The following VMP1 variants were observed in gnomAD, a reference collection of about 807,000 sequenced individuals.
VMP1 encodes the protein ectopic P-granules autophagy protein 3 homolog.
In VMP1, 11 loss-of-function variants were observed where a neutral mutation model predicts 56.0. That is an observed-to-expected ratio of 0.20 (90% CI 0.12 to 0.32). The LOEUF is 0.32. Ranked by LOEUF, VMP1 falls within the 10% of genes least tolerant of loss-of-function variation. VMP1 has a pLI of 1.00. For missense variants in VMP1, 296 were observed against 490.3 expected (o/e 0.60, Z 3.74); for synonymous variants, 149 against 165.0 (o/e 0.90, Z 0.74).
intron 1 of VMP1, among the ~76,000 whole-genome samples, chr17:59,723,788 T>C (rs1322387812): frequency 6.6e-6 from 1 of 152,226 alleles, no homozygotes; most frequent in Non-Finnish European, 1.5e-5. Context: ...ATTGACATAA[T>C]GGCCTTTGGT....
At chr17:59,798,359 C>T (rs555836285) in intron 7 of VMP1, among the ~76,000 whole-genome samples, 5 of 152,228 alleles carry the variant, frequency 3.3e-5, no homozygotes, top group Admixed American at 6.5e-5. Flanking sequence ...TCAGTTCTCA[C>T]GTAACTTTTG....
intron 1 of VMP1, among the ~76,000 whole-genome samples, chr17:59,709,380 A>G (rs1403909636): frequency 6.6e-6 from 1 of 152,206 alleles, no homozygotes; most frequent in Non-Finnish European, 1.5e-5. Flanking sequence ...TTAAATCAGA[A>G]GACCTGGATT....
chr17:59,781,940 G>A (rs1415525686), intron 7 of VMP1, among the ~76,000 whole-genome samples: 1 of 151,940 alleles, frequency 6.6e-6, no homozygotes, highest in African/African-American at 2.4e-5. Context: ...ACAGAGTCTC[G>A]CTCTGTCGCC....
intron 1 of VMP1, among the ~76,000 whole-genome samples, chr17:59,708,860 C>T (rs1197617857): frequency 6.6e-6 from 1 of 152,224 alleles, no homozygotes; most frequent in African/African-American, 2.4e-5. Flanking sequence ...GGTACCTAGA[C>T]AAATGTGACT....
chr17:59,810,518 A>G (rs187887025), intron 8 of VMP1, among the ~76,000 whole-genome samples: 7 of 152,140 alleles, frequency 4.6e-5, no homozygotes, highest in African/African-American at 1.2e-4. Context: ...ATGATAAAGG[A>G]AAAAAAAGTT....
At chr17:59,834,626 A>AT (rs34575746) in intron 10 of VMP1, among the ~76,000 whole-genome samples, 59,222 of 109,228 alleles carry the variant, frequency 0.54, 16,851 homozygotes, top group Non-Finnish European at 0.66. Context: ...TGCCCAGCTA[A>AT]TTTTTTTTTT....
At chr17:59,770,578 G>A (rs1598367821) in intron 6 of VMP1, among the ~76,000 whole-genome samples, 2 of 150,810 alleles carry the variant, frequency 1.3e-5, no homozygotes, top group Admixed American at 1.3e-4. Flanking sequence ...TTCTGATTAC[G>A]TTTATTTCTT....
intron 1 of VMP1, among the ~76,000 whole-genome samples, chr17:59,721,017 G>A (rs2034372736): frequency 6.8e-6 from 1 of 146,698 alleles, no homozygotes; most frequent in Non-Finnish European, 1.5e-5. Flanking sequence ...AACTTGTTGA[G>A]AGTCCCCCAA....
chr17:59,727,802 A>C (rs370664868), intron 1 of VMP1, among the ~76,000 whole-genome samples: 21 of 152,288 alleles, frequency 1.4e-4, no homozygotes, highest in African/African-American at 5.1e-4. Context: ...ACAAACATAC[A>C]CATGCATACA....
At chr17:59,727,440 G>T (rs1395183636) in intron 1 of VMP1, among the ~76,000 whole-genome samples, 1 of 151,986 alleles carries the variant, frequency 6.6e-6, no homozygotes. Context: ...GGCCCTGTTA[G>T]ACTCTTAAGA....
At chr17:59,799,243 C>T (rs1467531780) in intron 7 of VMP1, among the ~76,000 whole-genome samples, 2 of 152,104 alleles carry the variant, frequency 1.3e-5, no homozygotes. Context: ...AAGTTACTTT[C>T]AGAATAAAAT....
intron 1 of VMP1, among the ~76,000 whole-genome samples, chr17:59,714,472 A>G (rs1298814204): frequency 1.3e-5 from 2 of 152,308 alleles, no homozygotes; most frequent in African/African-American, 4.8e-5. Context: ...GAGGGGACAC[A>G]TACTCAAACA....
intron 7 of VMP1, among the ~76,000 whole-genome samples, chr17:59,795,146 C>T (rs141865192): frequency 0.037 from 5,610 of 151,840 alleles, 372 homozygotes; most frequent in African/African-American, 0.13. Context: ...CAGCTAATTT[C>T]GTATTTTTAG....
At chr17:59,763,283 C>CA (rs1260809884) in intron 5 of VMP1, among the ~76,000 whole-genome samples, 12 of 151,886 alleles carry the variant, frequency 7.9e-5, no homozygotes, top group Non-Finnish European at 1.3e-4. Flanking sequence ...TTTTTTCCCC[C>CA]AAGTGTGAAA....
At chr17:59,718,549 G>C (rs1044845873) in intron 1 of VMP1, among the ~76,000 whole-genome samples, 1 of 151,580 alleles carries the variant, frequency 6.6e-6, no homozygotes, top group African/African-American at 2.4e-5. Context: ...TGTCACCCAG[G>C]TTGAGGTGCA....
chr17:59,802,411 A>G (rs917363058), intron 7 of VMP1, among the ~76,000 whole-genome samples: 13 of 151,842 alleles, frequency 8.6e-5, no homozygotes, highest in African/African-American at 2.2e-4. Flanking sequence ...TCACACGACA[A>G]TGAAATCGCC....
At chr17:59,743,656 CCT>C (rs1489916573) in intron 5 of VMP1, among the ~76,000 whole-genome samples, 1 of 149,442 alleles carries the variant, frequency 6.7e-6, no homozygotes, top group Non-Finnish European at 1.5e-5. Context: ...TCTGATAGAT[CCT>C]GAGTATAATA....
chr17:59,753,730 C>T (rs544764541), intron 5 of VMP1, among the ~76,000 whole-genome samples: 3 of 152,222 alleles, frequency 2.0e-5, no homozygotes, highest in African/African-American at 7.2e-5. Flanking sequence ...GAAAAACGAT[C>T]GACAATCATT....
intron 7 of VMP1, among the ~76,000 whole-genome samples, chr17:59,780,520 A>G (rs2036781712): frequency 6.6e-6 from 1 of 152,214 alleles, no homozygotes; most frequent in Non-Finnish European, 1.5e-5. Flanking sequence ...ATGCAATAAA[A>G]AGTGAAGAAC....
Sources: gnomAD v4.1 joint callset for allele counts (sites outside exome capture counted in the v4.1 genomes callset) on GRCh38, gnomAD v4.1.1 for gene constraint, MANE v1.5 for transcripts, NCBI Gene and HGNC (gene_info 2026-07-23, HGNC 2026-07-21) for gene names.